Variants in RARB observed in about 807,000 individuals in gnomAD.
RARB encodes the protein HBV-activated protein.
A neutral mutation model predicts 51.9 loss-of-function variants in RARB; 17 were observed. The observed-to-expected ratio is 0.33, with a 90% CI of 0.22 to 0.49. RARB has a LOEUF of 0.49. Among genes scored for constraint, RARB ranks in the 20% least tolerant of loss-of-function variants. The probability of loss-of-function intolerance (pLI) is 0.99; values close to 1 mark genes in which losing one functional copy is unlikely to be tolerated. For missense variants in RARB, 369 were observed against 550.8 expected, an observed-to-expected ratio of 0.67 and a Z score of 3.30; for synonymous variants, 215 against 195.4, an observed-to-expected ratio of 1.10 and a Z score of -0.84.
intron 2 of RARB, among the ~76,000 whole-genome samples, chr3:25,020,811 C>T (rs960713862): frequency 6.6e-6 from 1 of 151,908 alleles, no homozygotes; most frequent in African/African-American, 2.4e-5. Flanking sequence ...TTAGATTTTT[C>T]TACAAAAAGT....
At chr3:25,399,168 T>C (rs1707199529) in intron 5 of RARB, among the ~76,000 whole-genome samples, 2 of 152,242 alleles carry the variant, frequency 1.3e-5, no homozygotes, top group African/African-American at 4.8e-5. Flanking sequence ...ATCACTATGA[T>C]GCTTTACTGA....
chr3:24,965,923 G>T (rs1696243497), intron 2 of RARB, among the ~76,000 whole-genome samples: 1 of 152,126 alleles, frequency 6.6e-6, no homozygotes, highest in African/African-American at 2.4e-5. Flanking sequence ...CTGAAGAAAA[G>T]TAACGTGGTA....
intron 2 of RARB, among the ~76,000 whole-genome samples, chr3:24,935,953 C>G (rs941997897): frequency 1.3e-5 from 2 of 152,004 alleles, no homozygotes; most frequent in African/African-American, 4.8e-5. Flanking sequence ...AATTTTGTTT[C>G]ATGATATGTT....
intron 5 of RARB, among the ~76,000 whole-genome samples, chr3:25,373,097 C>G (rs13070614): frequency 0.18 from 27,130 of 152,076 alleles, 3,149 homozygotes; most frequent in Admixed American, 0.33. Context: ...AAGCGTTTGT[C>G]TGTAATATGT....
chr3:25,225,729 C>T (rs953278354), intron 5 of RARB, among the ~76,000 whole-genome samples: 5 of 152,092 alleles, frequency 3.3e-5, no homozygotes, highest in Non-Finnish European at 5.9e-5. Context: ...TATACGCACA[C>T]GTATTTGTGA....
chr3:24,951,996 C>T (rs1456919784), intron 2 of RARB, among the ~76,000 whole-genome samples: 1 of 152,208 alleles, frequency 6.6e-6, no homozygotes, highest in East Asian at 1.9e-4. Flanking sequence ...GCCCTGTATT[C>T]AAGTGATTAT....
chr3:25,397,300 T>C (rs193273517), intron 5 of RARB, among the ~76,000 whole-genome samples: 56 of 152,272 alleles, frequency 3.7e-4, no homozygotes, highest in African/African-American at 1.2e-3. Context: ...CCTTCTCCCA[T>C]GATCTGGATT....
intron 5 of RARB, among the ~76,000 whole-genome samples, chr3:25,179,461 T>C (rs1700819971): frequency 6.6e-6 from 1 of 152,202 alleles, no homozygotes; most frequent in African/African-American, 2.4e-5. Context: ...TTTTAAGATA[T>C]CAGGGACTTA....
intron 2 of RARB, among the ~76,000 whole-genome samples, chr3:24,933,806 T>C (rs147510350): frequency 6.6e-6 from 1 of 152,140 alleles, no homozygotes; most frequent in African/African-American, 2.4e-5. Context: ...TATCTTTGTT[T>C]TGTAGTGTGT....
At chr3:25,219,607 G>C (rs1382722857) in intron 5 of RARB, among the ~76,000 whole-genome samples, 1 of 152,094 alleles carries the variant, frequency 6.6e-6, no homozygotes, top group East Asian at 1.9e-4. Context: ...TTGCTGAAGG[G>C]CCGCATGCTG....
At chr3:25,508,486 T>C (rs1469998131) in intron 3 of RARB, among the ~76,000 whole-genome samples, 2 of 152,236 alleles carry the variant, frequency 1.3e-5, no homozygotes, top group African/African-American at 4.8e-5. Context: ...ATTGATGTGC[T>C]CATTGGTTCT....
intron 3 of RARB, among the ~76,000 whole-genome samples, chr3:25,079,574 G>GC (rs1698949662): frequency 6.6e-6 from 1 of 152,106 alleles, no homozygotes; most frequent in Admixed American, 6.5e-5. Flanking sequence ...TTTCTAGTTT[G>GC]CTGAGGGTTT....
intron 3 of RARB, among the ~76,000 whole-genome samples, chr3:25,545,766 C>T (rs182008697): frequency 1.3e-5 from 2 of 152,264 alleles, no homozygotes; most frequent in East Asian, 3.9e-4. Context: ...TCATCGACAA[C>T]AATTTATGAA....
At chr3:25,497,852 T>C (rs1347570718) in intron 2 of RARB, among the ~76,000 whole-genome samples, 1 of 152,224 alleles carries the variant, frequency 6.6e-6, no homozygotes, top group African/African-American at 2.4e-5. Flanking sequence ...AACTTTGTCC[T>C]GAAGTTTGGG....
chr3:25,370,228 T>A (rs533071894), intron 5 of RARB, among the ~76,000 whole-genome samples: 1 of 152,368 alleles, frequency 6.6e-6, no homozygotes, highest in East Asian at 1.9e-4. Context: ...TTTACCTTTA[T>A]AATTTTCTTT....
chr3:24,862,374 A>G (rs765782633), intron 2 of RARB, among the ~76,000 whole-genome samples: 1 of 152,302 alleles, frequency 6.6e-6, no homozygotes, highest in African/African-American at 2.4e-5. Flanking sequence ...AGTTTCCAAG[A>G]TTACCTGGTG....
At chr3:25,210,529 C>CTTTTTTTTTTTTTTTT (rs773846113) in intron 5 of RARB, among the ~76,000 whole-genome samples, 4 of 27,630 alleles carry the variant, frequency 1.4e-4, no homozygotes, top group South Asian at 1.7e-3. Flanking sequence ...TTATCTGATT[C>CTTTTTTTTTTTTTTTT]TTTTTTTTTT....
rs146734425 is a variant in RARB at position 25,411,625 on chromosome 3, A to G, written c.179-49568A>G. Among the ~76,000 whole-genome samples, 398 of 152,320 alleles carry G rather than the reference A, an allele frequency of 2.6e-3. 3 individuals are homozygous for G. The highest frequency in any genetic ancestry group is 8.9e-3 in the African/African-American group (372 of 41,576). ...TAGTGACCTCAAGAAGCAACCAAGA[A>G]TATCTCCCAGACACTCAAATCGCCC... On this transcript the variant is annotated intron_variant, in intron 5 of 11. Transcript: ENST00000383772.
chr3:25,564,200 A>G (rs1384794148), intron 3 of RARB, among the ~76,000 whole-genome samples: 2 of 152,226 alleles, frequency 1.3e-5, no homozygotes, highest in Non-Finnish European at 2.9e-5. Context: ...CGAGATCCGT[A>G]CATCAGAGGT....
Sources: gnomAD v4.1 joint callset for allele counts (sites outside exome capture counted in the v4.1 genomes callset) on GRCh38, gnomAD v4.1.1 for gene constraint, MANE v1.5 for transcripts, NCBI Gene and HGNC (gene_info 2026-07-23, HGNC 2026-07-21) for gene names.